SDC2: variants seen among roughly 807,000 people sequenced by gnomAD.
The protein encoded by SDC2 is syndecan-2.
SDC2 carries 13 observed loss-of-function variants against 22.2 expected under a neutral mutation model. The ratio of observed to expected loss-of-function variants is 0.59; its 90% CI spans 0.38 to 0.93. The LOEUF (loss-of-function observed/expected upper bound fraction) is 0.93. Ranked by LOEUF, SDC2 falls within the 40% of genes least tolerant of loss-of-function variation. SDC2 has a pLI of 0.00. For synonymous variants in SDC2, 94 were observed against 92.8 expected (o/e 1.01, Z -0.07); for missense variants, 235 against 246.8 (o/e 0.95, Z 0.32).
Position 96,494,259 on chromosome 8 carries a change from G to A in SDC2, c.-13G>A, listed in dbSNP as rs1452649567. On this transcript the variant is annotated 5_prime_UTR_variant, in exon 1 of 5. Coordinates refer to ENST00000302190, the MANE Select transcript of SDC2 (RefSeq NM_002998.4). Reference sequence around the variant, plus strand: ...TGCAAGCAGCGGCTGGGAGCAGCCGGTCCCTGGGGAATATGCGGCGCGCGT... The same window carrying A: ...TGCAAGCAGCGGCTGGGAGCAGCCGATCCCTGGGGAATATGCGGCGCGCGT... 1 of 1,544,090 alleles carries A rather than the reference G, an allele frequency of 6.5e-7. No individual in the cohort carries two copies. Among genetic ancestry groups the A allele is most frequent in the East Asian group, 2.4e-5 (1 of 41,048 alleles).
At chr8:96,539,731 A>G (rs1813814604) in intron 1 of SDC2, among the ~76,000 whole-genome samples, 1 of 151,676 alleles carries the variant, frequency 6.6e-6, no homozygotes, top group East Asian at 1.9e-4. Flanking sequence ...AAGGCAGTCT[A>G]CTCCGTTTTT....
At chr8:96,505,958 TA>T in intron 1 of SDC2, among the ~76,000 whole-genome samples, 1 of 152,236 alleles carries the variant, frequency 6.6e-6, no homozygotes, top group Admixed American at 6.5e-5. Context: ...ATATGTGTTA[TA>T]TGTAAAATAT....
chr8:96,557,768 A>T (rs1281994130), intron 1 of SDC2, among the ~76,000 whole-genome samples: 1 of 152,182 alleles, frequency 6.6e-6, no homozygotes, highest in Non-Finnish European at 1.5e-5. Context: ...TAAAACTTAA[A>T]GTATAATAAT....
chr8:96,576,773 A>G (rs1814512737), intron 1 of SDC2, among the ~76,000 whole-genome samples: 1 of 152,046 alleles, frequency 6.6e-6, no homozygotes, highest in Non-Finnish European at 1.5e-5. Flanking sequence ...TTGACAGTAA[A>G]TTTCAGTGAT....
intron 1 of SDC2, among the ~76,000 whole-genome samples, chr8:96,528,144 CTATT>C (rs1813606688): frequency 6.6e-6 from 1 of 152,054 alleles, no homozygotes; most frequent in Non-Finnish European, 1.5e-5. Context: ...TTTAAAAAAT[CTATT>C]TATATCTTTG....
intron 1 of SDC2, among the ~76,000 whole-genome samples, chr8:96,498,442 A>G (rs1432390000): frequency 6.6e-6 from 1 of 151,618 alleles, no homozygotes; most frequent in African/African-American, 2.4e-5. Context: ...CGGGGTTTGG[A>G]AATGTGGTCC....
In SDC2 at chr8:96,546,086, G is replaced by T. The variant is rs144515801; in HGVS notation, c.61-47394G>T. On this transcript the variant is annotated intron_variant, in intron 1 of 4. Transcript: ENST00000302190. ...CTGTAAACTGTTAAGGAATTGCAAA[G>T]AAATTTTCCATTTGTAATCTGCTGA... Among the ~76,000 whole-genome samples the T allele has an allele frequency of 2.0e-3, 298 of 152,322 alleles. 1 individual carries two copies. The highest frequency in any genetic ancestry group is 0.01 in the Middle Eastern group (3 of 294).
intron 1 of SDC2, among the ~76,000 whole-genome samples, chr8:96,535,619 A>T (rs2575722): frequency 0.68 from 102,723 of 152,142 alleles, 35,140 homozygotes; most frequent in East Asian, 0.75. Context: ...TTTTAGGGGT[A>T]GAGATATATA....
chr8:96,580,832 A>T (rs903450135), intron 1 of SDC2, among the ~76,000 whole-genome samples: 9 of 152,200 alleles, frequency 5.9e-5, no homozygotes, highest in African/African-American at 2.2e-4. Context: ...GTACCCTATT[A>T]ATTTGGGAAG....
intron 2 of SDC2, among the ~76,000 whole-genome samples, chr8:96,596,138 G>A (rs545930222): frequency 2.0e-5 from 3 of 152,334 alleles, no homozygotes; most frequent in Non-Finnish European, 4.4e-5. Context: ...CTGAGGCACA[G>A]AGAGATTCAC....
intron 1 of SDC2, among the ~76,000 whole-genome samples, chr8:96,510,242 G>A (rs1391819836): frequency 1.4e-4 from 21 of 152,174 alleles, no homozygotes; most frequent in Non-Finnish European, 2.8e-4. Flanking sequence ...TCCTACATAG[G>A]TGTCTTAATA....
chr8:96,514,520 G>C (rs986107045), intron 1 of SDC2, among the ~76,000 whole-genome samples: 4 of 152,150 alleles, frequency 2.6e-5, no homozygotes, highest in African/African-American at 9.7e-5. Flanking sequence ...TCATAGTGCA[G>C]AGCTTTCCTT....
chr8:96,519,891 G>A (rs1231553091), intron 1 of SDC2, among the ~76,000 whole-genome samples: 1 of 152,110 alleles, frequency 6.6e-6, no homozygotes, highest in African/African-American at 2.4e-5. Context: ...GCCTCCCAAA[G>A]TGCTGGGATT....
intron 1 of SDC2, among the ~76,000 whole-genome samples, chr8:96,575,287 A>G (rs1434746701): frequency 6.6e-6 from 1 of 150,986 alleles, no homozygotes; most frequent in East Asian, 2.0e-4. Flanking sequence ...CAGGTAACGA[A>G]TGAAAAAACC....
At chr8:96,533,962 G>A (rs924792205) in intron 1 of SDC2, among the ~76,000 whole-genome samples, 2 of 152,194 alleles carry the variant, frequency 1.3e-5, no homozygotes, top group Non-Finnish European at 2.9e-5. Context: ...CCGCGGGGAG[G>A]CAGCTGAGGT....
At chr8:96,548,891 G>T (rs1046529735) in intron 1 of SDC2, among the ~76,000 whole-genome samples, 1 of 152,176 alleles carries the variant, frequency 6.6e-6, no homozygotes, top group Admixed American at 6.5e-5. Context: ...CAGTGAAAAA[G>T]CTTTGACCCC....
chr8:96,608,801 A>G (rs1815128073), intron 4 of SDC2, among the ~76,000 whole-genome samples: 1 of 152,202 alleles, frequency 6.6e-6, no homozygotes, highest in East Asian at 1.9e-4. Context: ...CAGGCATTCT[A>G]CATTTCAAAA....
intron 1 of SDC2, 99 bp downstream of exon 1, chr8:96,494,430 A>C: frequency 8.7e-7 from 1 of 1,142,994 alleles, no homozygotes; most frequent in Non-Finnish European, 1.2e-6. Flanking sequence ...GGGAACCCCC[A>C]GTCCCCAAGT....
In SDC2 at chr8:96,610,060, T is replaced by C. The variant is rs1481454757; in HGVS notation, c.*512T>C. The C allele has an allele frequency of 6.5e-6, 1 of 152,686 alleles. No individual in the cohort carries two copies. Among genetic ancestry groups the C allele is most frequent in the African/African-American group, 2.4e-5 (1 of 41,462 alleles). 9.5% of individuals were successfully genotyped at this position (152,686 alleles called of 1,614,324 possible). The stretch of plus-strand genomic sequence containing the variant: ...TCAGATAATGGTAATTTAGTGTATA[T>C]GTGATTTTCAAATATGTAAACTTTA... On this transcript the variant is annotated 3_prime_UTR_variant, in exon 5 of 5. Coordinates refer to ENST00000302190, the MANE Select transcript of SDC2 (RefSeq NM_002998.4).
Sources: allele counts gnomAD v4.1 joint callset (sites outside exome capture counted in the v4.1 genomes callset), GRCh38; gene constraint gnomAD v4.1.1; transcripts MANE v1.5; gene names NCBI Gene and HGNC (gene_info 2026-07-23, HGNC 2026-07-21).